COX17: variants seen among roughly 807,000 people sequenced by gnomAD.
COX17 encodes the protein cytochrome c oxidase copper chaperone.
Under a neutral mutation model 6.3 loss-of-function variants are expected in COX17, and 1 was observed. That is an observed-to-expected ratio of 0.16 (90% CI 0.06 to 0.75). The LOEUF (loss-of-function observed/expected upper bound fraction) is 0.75. Ranked by LOEUF, COX17 falls within the 30% of genes least tolerant of loss-of-function variation. The probability of loss-of-function intolerance (pLI) is 0.77; values close to 1 mark genes in which losing one functional copy is unlikely to be tolerated. For missense variants in COX17, 73 were observed against 81.2 expected (o/e 0.90, Z 0.39); for synonymous variants, 26 against 30.5 (o/e 0.85, Z 0.49).
chr3:119,665,638 T>C (rs1559733677), downstream of COX17, among the ~76,000 whole-genome samples: 1 of 152,246 alleles, frequency 6.6e-6, no homozygotes, highest in Non-Finnish European at 1.5e-5. Context: ...TCTCCCAAAG[T>C]GCTGGGATTA....
At chr3:119,667,224 T>C (rs1339559308), downstream of COX17, among the ~76,000 whole-genome samples, 1 of 152,228 alleles carries the variant, frequency 6.6e-6, no homozygotes, top group Non-Finnish European at 1.5e-5. Context: ...AGAATGTGGT[T>C]GTTACCCACT....
intron 2 of COX17, among the ~76,000 whole-genome samples, chr3:119,670,752 T>TGTGTG (rs2053035258): frequency 4.7e-5 from 7 of 149,716 alleles, no homozygotes; most frequent in Non-Finnish European, 7.4e-5. Flanking sequence ...ATGATCAGTT[T>TGTGTG]TGTGTGTGTG....
chr3:119,677,165 G>A (rs555561766), intron 1 of COX17, 39 bp downstream of exon 1: 3 of 1,538,974 alleles, frequency 1.9e-6, no homozygotes, highest in East Asian at 2.3e-5. Context: ...GCCGCGGCCC[G>A]GGGCTCGTCG....
downstream of COX17, among the ~76,000 whole-genome samples, chr3:119,667,977 G>A (rs1040346998): frequency 1.3e-5 from 2 of 151,804 alleles, no homozygotes; most frequent in African/African-American, 4.8e-5. Flanking sequence ...GTCCAAATGC[G>A]CAAAAAGAAA....
chr3:119,666,488 T>C (rs1309523019), downstream of COX17, among the ~76,000 whole-genome samples: 2 of 152,348 alleles, frequency 1.3e-5, no homozygotes, highest in East Asian at 1.9e-4. Context: ...AAAAGCACCA[T>C]AATTGACATA....
At chr3:119,666,853 A>G (rs1333978823), downstream of COX17, 2 of 152,202 alleles carry the variant, frequency 1.3e-5, no homozygotes, top group Non-Finnish European at 2.9e-5. Context: ...GTGAATTTAT[A>G]ACTACAAATA....
chr3:119,673,418 T>C (rs1453100379), intron 2 of COX17, among the ~76,000 whole-genome samples: 4 of 152,146 alleles, frequency 2.6e-5, no homozygotes, highest in African/African-American at 7.2e-5. Context: ...TGACAGTGTA[T>C]AGAATAGAGT....
downstream of COX17, among the ~76,000 whole-genome samples, chr3:119,665,685 C>T (rs1035887615): frequency 1.3e-5 from 2 of 152,206 alleles, no homozygotes; most frequent in Non-Finnish European, 2.9e-5. Context: ...AGACTAAGTT[C>T]TTGAAAGCAC....
chr3:119,676,931 C>T (rs1359215661), intron 1 of COX17: 3 of 697,850 alleles, frequency 4.3e-6, no homozygotes, highest in Admixed American at 4.0e-5. Flanking sequence ...CGGTACTAAG[C>T]TACGGGATAA....
At chr3:119,674,013 G>GGCT (rs1237101373) in intron 2 of COX17, among the ~76,000 whole-genome samples, 2 of 151,552 alleles carry the variant, frequency 1.3e-5, no homozygotes, top group African/African-American at 4.9e-5. Flanking sequence ...CCCTCTGCCC[G>GGCT]GCTGCTGCCC....
intron 2 of COX17, among the ~76,000 whole-genome samples, chr3:119,673,658 C>G (rs2053067086): frequency 6.6e-6 from 1 of 152,134 alleles, no homozygotes; most frequent in Non-Finnish European, 1.5e-5. Flanking sequence ...GAAAGCCTCT[C>G]TAATAAGGAG....
At chr3:119,669,944 G>A (rs987776400) in intron 2 of COX17, among the ~76,000 whole-genome samples, 1 of 152,086 alleles carries the variant, frequency 6.6e-6, no homozygotes, top group African/African-American at 2.4e-5. Flanking sequence ...ATACATATGT[G>A]TGTGTTTGAG....
At chr3:119,675,122 C>G (rs747650021) in intron 2 of COX17, 23 bp downstream of exon 2, 11 of 1,539,986 alleles carry the variant, frequency 7.1e-6, no homozygotes, top group Middle Eastern at 1.9e-4. Context: ...AAGCAATACA[C>G]AACTTTGAAG....
At chr3:119,667,672 AAG>A (rs2053004550), downstream of COX17, among the ~76,000 whole-genome samples, 1 of 144,214 alleles carries the variant, frequency 6.9e-6, no homozygotes, top group Admixed American at 7.3e-5. Context: ...AAAAAAAAAA[AAG>A]AAAGTAAAAG....
intron 1 of COX17, chr3:119,676,650 C>G (rs1226969040): frequency 5.4e-6 from 3 of 554,130 alleles, no homozygotes; most frequent in Non-Finnish European, 9.8e-6. Flanking sequence ...GTCCTACTGT[C>G]TCTAAATTTT....
chr3:119,677,064 GGGAAGGAAGAGGGCAGAGGGC>G (rs1164280197), intron 1 of COX17, 119 bp downstream of exon 1: 1 of 691,314 alleles, frequency 1.4e-6, no homozygotes. Context: ...GGGGGAAGGG[GGGAAGGAAGAGGGCAGAGGGC>G]AGAAGGCAGA....
intron 1 of COX17, 30 bp downstream of exon 1, chr3:119,677,174 C>A: frequency 6.4e-7 from 1 of 1,574,602 alleles, no homozygotes; most frequent in South Asian, 1.1e-5. Flanking sequence ...CGGGGCTCGT[C>A]GGCCGCGCCC....
chr3:119,673,444 G>A (rs1249135611), intron 2 of COX17, among the ~76,000 whole-genome samples: 1 of 152,212 alleles, frequency 6.6e-6, no homozygotes, highest in Admixed American at 6.5e-5. Context: ...CTAGCCACAT[G>A]TAGCTATTAA....
At chr3:119,677,023 CGGGGGGGG>C in intron 1 of COX17, 173 bp downstream of exon 1, 1 of 335,750 alleles carries the variant, frequency 3.0e-6, no homozygotes, top group South Asian at 2.8e-5. Context: ...CGGGGCGGGG[CGGGGGGGG>C]GGGGCAGACA....
Sources: gnomAD v4.1 joint callset for allele counts (sites outside exome capture counted in the v4.1 genomes callset) on GRCh38, gnomAD v4.1.1 for gene constraint, MANE v1.5 for transcripts, NCBI Gene and HGNC (gene_info 2026-07-23, HGNC 2026-07-21) for gene names.